The following ZNF490 variants were observed in gnomAD, a reference collection of about 807,000 sequenced individuals.
ZNF490 encodes the protein zinc finger protein 490.
Under a neutral mutation model 17.7 loss-of-function variants are expected in ZNF490, and 11 were observed. The observed-to-expected ratio is 0.62, with a 90% CI of 0.39 to 1.03. The LOEUF (loss-of-function observed/expected upper bound fraction) is 1.03, where lower values mean the gene tolerates loss of function less well. Among genes scored for constraint, ZNF490 ranks in the 50% least tolerant of loss-of-function variants. ZNF490 has a pLI of 0.00. For synonymous variants in ZNF490, 222 were observed against 216.1 expected (o/e 1.03, Z -0.24); for missense variants, 542 against 643.4 (o/e 0.84, Z 1.71).
At chr19:12,592,444 T>C (rs552178901) in intron 2 of ZNF490, among the ~76,000 whole-genome samples, 1 of 151,940 alleles carries the variant, frequency 6.6e-6, no homozygotes, top group South Asian at 2.1e-4. Context: ...GAACATATAT[T>C]ATTAAGTGAA....
In ZNF490 at chr19:12,580,315, C is replaced by G; in HGVS notation, c.*170G>C. On this transcript the variant is annotated 3_prime_UTR_variant, in exon 5 of 5. Transcript: ENST00000311437. ...CCCGCAGGAGAGTGCAAGTTCCTCC[C>G]CCATTTGTTAAATATTTCATTGCCG... 1 of 1,424,078 alleles carries G rather than the reference C, an allele frequency of 7.0e-7. No individual in the cohort carries two copies. Among genetic ancestry groups the G allele is most frequent in the Non-Finnish European group, 9.1e-7 (1 of 1,093,826 alleles). The allele number at this position is 1,424,078 out of a possible 1,614,324, so 88.2% of individuals were successfully genotyped here.
At chr19:12,598,403 T>C (rs1198360632) in intron 2 of ZNF490, among the ~76,000 whole-genome samples, 3 of 151,196 alleles carry the variant, frequency 2.0e-5, no homozygotes, top group South Asian at 2.1e-4. Context: ...AGGCAGAGTT[T>C]CTCTCTTGTT....
intron 4 of ZNF490, among the ~76,000 whole-genome samples, chr19:12,582,594 T>C (rs1363084952): frequency 6.6e-6 from 1 of 151,842 alleles, no homozygotes; most frequent in Non-Finnish European, 1.5e-5. Context: ...CAGGGTTTCA[T>C]CATGTTGGCC....
At position 12,576,277 on chromosome 19, in the gene ZNF490, G is replaced by A. The variant is rs2022632993; in HGVS notation, c.*4208C>T. The stretch of plus-strand genomic sequence containing the variant: ...AATCCCAGCACTTTGAGAGGCCGAG[G>A]CAGGCAGATCACAAGGTCAGGAGGG... On this transcript the variant is annotated 3_prime_UTR_variant, in exon 5 of 5. Coordinates refer to ENST00000311437, the MANE Select transcript of ZNF490 (RefSeq NM_020714.3). 6.6e-6 allele frequency among the ~76,000 whole-genome samples: 1 copy of A among 152,152 alleles called. No individual in the cohort carries two copies. The highest frequency in any genetic ancestry group is 6.5e-5 in the Admixed American group (1 of 15,272).
At chr19:12,604,675 T>A (rs1223377831) in intron 2 of ZNF490, among the ~76,000 whole-genome samples, 1 of 101,680 alleles carries the variant, frequency 9.8e-6, no homozygotes, top group African/African-American at 3.8e-5. Context: ...AAAAAAAAAA[T>A]TAGCCAGGCG....
Position 12,610,727 on chromosome 19 carries a change from A to T in ZNF490, c.-47T>A. ...CACTGCAGGAAGACTTCCGTGTCCGACCCGAGATCCGGAACAATTTCTGCT... is the reference window on the plus strand; with the variant it reads ...CACTGCAGGAAGACTTCCGTGTCCGTCCCGAGATCCGGAACAATTTCTGCT... On this transcript the variant is annotated 5_prime_UTR_variant, in exon 1 of 5. Transcript: ENST00000311437. The T allele has an allele frequency of 6.4e-7, 1 of 1,569,736 alleles. No homozygotes were observed. Among genetic ancestry groups the T allele is most frequent in the Non-Finnish European group, 8.7e-7 (1 of 1,144,002 alleles).
intron 2 of ZNF490, among the ~76,000 whole-genome samples, chr19:12,594,248 T>C (rs2022906043): frequency 6.6e-6 from 1 of 152,068 alleles, no homozygotes; most frequent in Admixed American, 6.6e-5. Flanking sequence ...GGCAGATCAC[T>C]GGAGGTCAGG....
At chr19:12,604,208 C>T (rs1022875308) in intron 2 of ZNF490, among the ~76,000 whole-genome samples, 1 of 152,202 alleles carries the variant, frequency 6.6e-6, no homozygotes, top group African/African-American at 2.4e-5. Flanking sequence ...GCTGTTCATT[C>T]GTATCATTTA....
At chr19:12,595,933 A>G (rs909249376) in intron 2 of ZNF490, among the ~76,000 whole-genome samples, 3 of 151,870 alleles carry the variant, frequency 2.0e-5, no homozygotes, top group South Asian at 4.2e-4. Flanking sequence ...CCTGAGCAAA[A>G]GAGCAAGACT....
rs2022755242 is a variant in ZNF490 at position 12,582,750 on chromosome 19, C to T, written c.350+100G>A. The T allele has an allele frequency of 5.6e-6, 6 of 1,079,894 alleles. No individual in the cohort carries two copies. In the East Asian group the frequency reaches 1.2e-4, roughly 21 times the overall value. The allele number at this position is 1,079,894 out of a possible 1,614,324, so 66.9% of individuals were successfully genotyped here. On this transcript the variant is annotated intron_variant, in intron 4 of 4. Transcript: ENST00000311437. Reference sequence around the variant, plus strand: ...TAAAAATTTTCTAAGAATGAATAAACCTGAAACTCTGCTTATTGTTTTGCT... The same window carrying T: ...TAAAAATTTTCTAAGAATGAATAAATCTGAAACTCTGCTTATTGTTTTGCT...
chr19:12,593,655 G>C (rs2022898255), intron 2 of ZNF490, among the ~76,000 whole-genome samples: 1 of 152,178 alleles, frequency 6.6e-6, no homozygotes, highest in African/African-American at 2.4e-5. Flanking sequence ...CTGCTAAGAT[G>C]ACTAACTGAT....
At chr19:12,582,971 C>T (rs1449069010) in intron 3 of ZNF490, 61 bp from the exon 4 acceptor site, 3 of 1,347,626 alleles carry the variant, frequency 2.2e-6, no homozygotes, top group Non-Finnish European at 3.1e-6. Context: ...AATTATAACA[C>T]TCTAAGATCC....
intron 2 of ZNF490, among the ~76,000 whole-genome samples, chr19:12,606,218 A>C (rs2023067615): frequency 6.6e-6 from 1 of 150,478 alleles, no homozygotes; most frequent in African/African-American, 2.4e-5. Context: ...TTAGAGACAG[A>C]GACTCACTCT....
At chr19:12,591,394 C>A (rs1405317114) in intron 2 of ZNF490, among the ~76,000 whole-genome samples, 2 of 148,138 alleles carry the variant, frequency 1.4e-5, no homozygotes, top group Non-Finnish European at 3.0e-5. Context: ...CCCGCCGCCC[C>A]CCCAAAAAAG....
Position 12,581,646 on chromosome 19 carries a change from A to G in ZNF490, c.429T>C (p.Leu143=). The part of the protein sequence containing the change: ...CGKSTSQIPD[L]NTNLETPTGL... ...CAGTAGGAGTTTCCAGGTTCGTATTAAGATCAGGAATCTGGCTAGTGCTTT... is the reference window on the plus strand; with the variant it reads ...CAGTAGGAGTTTCCAGGTTCGTATTGAGATCAGGAATCTGGCTAGTGCTTT... The change falls in exon 5 of 5, where the codon CTT becomes CTC. Residue 143 remains leucine (L), a synonymous_variant. Coordinates refer to ENST00000311437, the MANE Select transcript of ZNF490 (RefSeq NM_020714.3). 6.2e-7 allele frequency: 1 copy of G among 1,614,182 alleles called. No homozygotes were observed. Among genetic ancestry groups the G allele is most frequent in the Non-Finnish European group, 8.5e-7 (1 of 1,180,034 alleles).
chr19:12,578,281 T>C lies in ZNF490; in HGVS notation c.*2204A>G. 1 of 985,622 alleles carries C rather than the reference T, an allele frequency of 1.0e-6. No individual in the cohort carries two copies. The highest frequency in any genetic ancestry group is 4.7e-5 in the South Asian group (1 of 21,286). The allele number at this position is 985,622 out of a possible 1,614,324, so 61.1% of individuals were successfully genotyped here. On this transcript the variant is annotated 3_prime_UTR_variant, in exon 5 of 5. Transcript: ENST00000311437. ...TTAGGGGAGGTAAGAATTCTGAGTG[T>C]CCTACAGCTAAGACATGGCAGAGTG...
At chr19:12,608,210 T>A (rs1333904006) in intron 2 of ZNF490, among the ~76,000 whole-genome samples, 7 of 152,166 alleles carry the variant, frequency 4.6e-5, no homozygotes, top group Non-Finnish European at 8.8e-5. Context: ...TCTTGCATGT[T>A]TACCTTGAAG....
chr19:12,583,836 A>T (rs1159585589), intron 2 of ZNF490, among the ~76,000 whole-genome samples: 34 of 99,944 alleles, frequency 3.4e-4, no homozygotes, highest in African/African-American at 6.9e-4. Flanking sequence ...TTTTTGAAAC[A>T]TTCTTGCTCT....
At position 12,610,596 on chromosome 19, in the gene ZNF490, G is replaced by C. The variant is rs1178955474; in HGVS notation, c.85C>G (p.Arg29Gly). 1.9e-6 allele frequency: 3 copies of C among 1,613,824 alleles called. No individual in the cohort carries two copies. The South Asian group carries it at 3.3e-5, about 18-fold the overall frequency. ...ACATCAGACCCTCCTGTTCCTGTGCGGCCTTGACTAGACGACCACTTGCTC... is the reference window on the plus strand; with the variant it reads ...ACATCAGACCCTCCTGTTCCTGTGCCGCCTTGACTAGACGACCACTTGCTC... ...VQSKWSSSQGRTGTGGSDVLQ... is the reference protein window; with the variant it reads ...VQSKWSSSQGGTGTGGSDVLQ... Residue 29 changes from arginine (R) to glycine (G), a missense_variant, in exon 1 of 5, where the codon CGC becomes GGC. Physicochemically the swap from Arg to Gly is moderately radical, Grantham distance 125. Transcript: ENST00000311437.
Sources: allele counts gnomAD v4.1 joint callset (sites outside exome capture counted in the v4.1 genomes callset), GRCh38; gene constraint gnomAD v4.1.1; transcripts MANE v1.5; gene names NCBI Gene and HGNC (gene_info 2026-07-23, HGNC 2026-07-21).